The following SLC2A13 variants were observed in gnomAD, a reference collection of about 807,000 sequenced individuals.
SLC2A13 encodes the protein proton myo-inositol cotransporter.
SLC2A13 carries 32 observed loss-of-function variants against 64.4 expected under a neutral mutation model. The observed-to-expected ratio is 0.50, with a 90% CI of 0.37 to 0.67. SLC2A13 has a LOEUF of 0.67. Ranked by LOEUF, SLC2A13 falls within the 30% of genes least tolerant of loss-of-function variation. The pLI is 0.00. For missense variants in SLC2A13, 743 were observed against 829.2 expected, an observed-to-expected ratio of 0.90 and a Z score of 1.28; for synonymous variants, 338 against 327.1, an observed-to-expected ratio of 1.03 and a Z score of -0.36.
intron 1 of SLC2A13, among the ~76,000 whole-genome samples, chr12:40,093,978 A>G (rs372286053): frequency 7.2e-5 from 11 of 152,176 alleles, no homozygotes; most frequent in East Asian, 5.8e-4. Context: ...AGGGGTCAAG[A>G]AAAAGGCAGG....
chr12:40,033,394 A>G (rs1024121265), intron 2 of SLC2A13, among the ~76,000 whole-genome samples: 2 of 152,248 alleles, frequency 1.3e-5, no homozygotes, highest in African/African-American at 4.8e-5. Flanking sequence ...CAGAAATAAC[A>G]AAGCAAAAGC....
intron 3 of SLC2A13, among the ~76,000 whole-genome samples, chr12:39,960,437 G>A (rs1946388558): frequency 6.6e-6 from 1 of 152,194 alleles, no homozygotes; most frequent in South Asian, 2.1e-4. Context: ...CTGCAGTGCA[G>A]CAGCGTGATC....
intron 4 of SLC2A13, among the ~76,000 whole-genome samples, chr12:39,879,450 G>A (rs955791715): frequency 3.3e-5 from 5 of 152,236 alleles, no homozygotes; most frequent in African/African-American, 7.2e-5. Context: ...CAAGGGTAAA[G>A]GTGCCCAAGG....
At chr12:39,879,661 C>G (rs1054968295) in intron 4 of SLC2A13, among the ~76,000 whole-genome samples, 1 of 152,182 alleles carries the variant, frequency 6.6e-6, no homozygotes, top group Non-Finnish European at 1.5e-5. Context: ...GCCTATACCC[C>G]CAGTGTATCT....
At chr12:40,027,749 T>C (rs923130827) in intron 3 of SLC2A13, among the ~76,000 whole-genome samples, 6 of 152,216 alleles carry the variant, frequency 3.9e-5, no homozygotes, top group African/African-American at 1.4e-4. Flanking sequence ...AAAATGTATC[T>C]TGAAATGTCT....
At chr12:39,911,704 G>A (rs1945435346) in intron 4 of SLC2A13, among the ~76,000 whole-genome samples, 1 of 152,020 alleles carries the variant, frequency 6.6e-6, no homozygotes, top group Admixed American at 6.6e-5. Context: ...TAGGCTCTGA[G>A]AAGTTTCTGA....
chr12:39,960,906 G>A (rs1479254562), intron 3 of SLC2A13, among the ~76,000 whole-genome samples: 1 of 149,846 alleles, frequency 6.7e-6, no homozygotes, highest in Non-Finnish European at 1.5e-5. Flanking sequence ...CGCCACCACA[G>A]CTGGCAAAAT....
chr12:40,041,313 C>T (rs1247772634), intron 2 of SLC2A13, among the ~76,000 whole-genome samples: 1 of 152,172 alleles, frequency 6.6e-6, no homozygotes, highest in Non-Finnish European at 1.5e-5. Flanking sequence ...TAGCCCTCCT[C>T]CTAGCTGCTC....
chr12:40,072,161 T>A (rs1368376846), intron 1 of SLC2A13, among the ~76,000 whole-genome samples: 1 of 152,250 alleles, frequency 6.6e-6, no homozygotes, highest in South Asian at 2.1e-4. Context: ...TTTTGACTCA[T>A]GTTATTTAGA....
chr12:40,021,999 G>A (rs1430370593), intron 3 of SLC2A13, among the ~76,000 whole-genome samples: 5 of 151,896 alleles, frequency 3.3e-5, no homozygotes, highest in African/African-American at 1.2e-4. Context: ...GACTTACGAA[G>A]GTAGGTAAGA....
chr12:39,922,365 A>C (rs1203788548), intron 4 of SLC2A13, among the ~76,000 whole-genome samples: 1 of 152,188 alleles, frequency 6.6e-6, no homozygotes, highest in Non-Finnish European at 1.5e-5. Context: ...CCCAAGCCTA[A>C]CCAATCAGGA....
At chr12:40,052,758 A>G (rs1948279671) in intron 1 of SLC2A13, among the ~76,000 whole-genome samples, 1 of 152,088 alleles carries the variant, frequency 6.6e-6, no homozygotes, top group African/African-American at 2.4e-5. Context: ...GTGGAGCTCA[A>G]AGGATGGTAC....
chr12:39,946,417 G>C (rs187633351), intron 4 of SLC2A13, among the ~76,000 whole-genome samples: 2 of 152,334 alleles, frequency 1.3e-5, no homozygotes, highest in African/African-American at 2.4e-5. Context: ...CAGAGCCCTA[G>C]AACTCCCAAG....
chr12:40,043,130 G>A (rs1383123703), intron 2 of SLC2A13, among the ~76,000 whole-genome samples: 1 of 151,804 alleles, frequency 6.6e-6, no homozygotes, highest in African/African-American at 2.4e-5. Context: ...TTTTTTCCCT[G>A]TAGGAAATAG....
At chr12:40,048,521 C>CA (rs200048556) in intron 1 of SLC2A13, among the ~76,000 whole-genome samples, 2,079 of 151,472 alleles carry the variant, frequency 0.014, 46 homozygotes, top group African/African-American at 0.046. Context: ...CTAAAAATAG[C>CA]AAAAAAAGTT....
rs118159266 is a variant in SLC2A13 at position 40,067,768 on chromosome 12, G to A, written c.557-19558C>T. Among the ~76,000 whole-genome samples, 488 of 152,216 alleles carry A rather than the reference G, an allele frequency of 3.2e-3. 6 individuals are homozygous for A. The highest frequency in any genetic ancestry group is 0.011 in the African/African-American group (454 of 41,526). On this transcript the variant is annotated intron_variant, in intron 1 of 9. Transcript: ENST00000280871. ...AATATTAAAGCACATACAACTGCAC[G>A]TTTCTTCTCTCTCCCCAAACTTTAT...
intron 2 of SLC2A13, among the ~76,000 whole-genome samples, chr12:40,044,619 A>T (rs1406842546): frequency 2.0e-5 from 3 of 152,238 alleles, no homozygotes; most frequent in African/African-American, 7.2e-5. Flanking sequence ...GAAAAATAGC[A>T]ACATTGATTC....
At chr12:39,788,976 T>C (rs1941283252) in intron 7 of SLC2A13, among the ~76,000 whole-genome samples, 1 of 152,146 alleles carries the variant, frequency 6.6e-6, no homozygotes, top group Admixed American at 6.6e-5. Flanking sequence ...CAAAATCGGA[T>C]TGATGCCATA....
intron 7 of SLC2A13, among the ~76,000 whole-genome samples, chr12:39,773,746 A>T (rs1592123540): frequency 6.6e-6 from 1 of 152,204 alleles, no homozygotes; most frequent in Admixed American, 6.5e-5. Flanking sequence ...AAGAAATATG[A>T]CCTGTGTATA....
Sources: allele counts gnomAD v4.1 joint callset (sites outside exome capture counted in the v4.1 genomes callset), GRCh38; gene constraint gnomAD v4.1.1; transcripts MANE v1.5; gene names NCBI Gene and HGNC (gene_info 2026-07-23, HGNC 2026-07-21).